Variants in PHLPP1 observed in about 807,000 individuals in gnomAD.
The protein encoded by PHLPP1 is PH domain and leucine rich repeat protein phosphatase 1.
Under a neutral mutation model 117.2 loss-of-function variants are expected in PHLPP1, and 42 were observed. The observed-to-expected ratio is 0.36, with a 90% confidence interval of 0.28 to 0.46. PHLPP1 has a LOEUF of 0.46. Ranked by LOEUF, PHLPP1 falls within the 20% of genes least tolerant of loss-of-function variation. PHLPP1 has a pLI of 1.00. For synonymous variants in PHLPP1, 1,042 were observed against 970.7 expected, an observed-to-expected ratio of 1.07 and a Z score of -1.37; for missense variants, 2,084 against 2,241.9, an observed-to-expected ratio of 0.93 and a Z score of 1.42.
chr18:62,970,420 A>G (rs528128), intron 14 of PHLPP1, among the ~76,000 whole-genome samples: 27,586 of 152,170 alleles, frequency 0.18, 2,686 homozygotes, highest in South Asian at 0.34. Flanking sequence ...TACCCATTAG[A>G]ATATTATTGA....
At chr18:62,763,395 A>G (rs1274341695) in intron 1 of PHLPP1, among the ~76,000 whole-genome samples, 1 of 152,160 alleles carries the variant, frequency 6.6e-6, no homozygotes, top group Non-Finnish European at 1.5e-5. Context: ...TGCTTTTCCT[A>G]TAGGTTGAGT....
At chr18:62,929,628 A>G (rs981837652) in intron 10 of PHLPP1, among the ~76,000 whole-genome samples, 1 of 152,138 alleles carries the variant, frequency 6.6e-6, no homozygotes. Flanking sequence ...GAAGACTAAT[A>G]TACAAAAAGT....
At chr18:62,819,701 A>G (rs904334941) in intron 1 of PHLPP1, among the ~76,000 whole-genome samples, 2 of 152,210 alleles carry the variant, frequency 1.3e-5, no homozygotes, top group African/African-American at 4.8e-5. Context: ...GCTGGAGTGC[A>G]ATGGTGCAAT....
intron 1 of PHLPP1, among the ~76,000 whole-genome samples, chr18:62,807,922 G>A (rs1913996653): frequency 6.6e-6 from 1 of 152,110 alleles, no homozygotes; most frequent in Non-Finnish European, 1.5e-5. Flanking sequence ...ACTGTAGACT[G>A]TATAAACACT....
chr18:62,915,828 AG>A (rs1447011067), intron 9 of PHLPP1, among the ~76,000 whole-genome samples: 4 of 152,182 alleles, frequency 2.6e-5, no homozygotes, highest in African/African-American at 9.7e-5. Context: ...AATGTGACTG[AG>A]GAACTGAATT....
chr18:62,817,191 G>T (rs183135540), intron 1 of PHLPP1, among the ~76,000 whole-genome samples: 20 of 152,290 alleles, frequency 1.3e-4, no homozygotes, highest in Admixed American at 3.3e-4. Context: ...CAATCCTCCT[G>T]CCTTGGCCTC....
chr18:62,800,038 A>T (rs1264579627), intron 1 of PHLPP1, among the ~76,000 whole-genome samples: 1 of 152,192 alleles, frequency 6.6e-6, no homozygotes, highest in Non-Finnish European at 1.5e-5. Flanking sequence ...GAAGAGATTT[A>T]TAGAACCTAG....
intron 12 of PHLPP1, among the ~76,000 whole-genome samples, chr18:62,948,670 G>T (rs1385723784): frequency 6.6e-6 from 1 of 150,758 alleles, no homozygotes; most frequent in Non-Finnish European, 1.5e-5. Context: ...TTTGTTGTTG[G>T]GATTTTTTTT....
chr18:62,870,344 A>G (rs1322005594), intron 4 of PHLPP1, among the ~76,000 whole-genome samples: 1 of 152,206 alleles, frequency 6.6e-6, no homozygotes, highest in African/African-American at 2.4e-5. Context: ...CATATATTTA[A>G]TACCAGGAAT....
At position 62,920,090 on chromosome 18, in the gene PHLPP1, C is replaced by T. The variant is rs1453226901; in HGVS notation, c.2936C>T (p.Pro979Leu). The T allele has an allele frequency of 2.5e-6, 4 of 1,613,676 alleles. No individual in the cohort carries two copies. Among genetic ancestry groups the T allele is most frequent in the Admixed American group, 1.7e-5 (1 of 59,952 alleles). ...VQHNQLLELP[P>L]NLLMKADSLR... The stretch of plus-strand genomic sequence containing the variant: ...CACAACCAGCTCCTTGAGCTCCCAC[C>T]TAACCTTCTGATGAAGGCTGACAGG... The change falls in exon 10 of 17, where the codon CCT (proline) becomes CTT (leucine). Residue 979 changes from proline to leucine, a missense_variant. Around this residue, in one of 2 missense-constraint regions of PHLPP1, gnomAD observed 1,365 missense variants for 1,605.9 expected, o/e 0.85. Coordinates refer to ENST00000262719, the MANE Select transcript of PHLPP1 (RefSeq NM_194449.4).
intron 9 of PHLPP1, among the ~76,000 whole-genome samples, chr18:62,915,990 A>G (rs1220217436): frequency 1.3e-5 from 2 of 152,198 alleles, no homozygotes; most frequent in African/African-American, 4.8e-5. Context: ...ATCAGTGAAA[A>G]TATTATAGAA....
At chr18:62,747,956 C>T (rs1298514292) in intron 1 of PHLPP1, among the ~76,000 whole-genome samples, 1 of 152,022 alleles carries the variant, frequency 6.6e-6, no homozygotes, top group Admixed American at 6.5e-5. Flanking sequence ...GATATTGATT[C>T]TTTGGTATTG....
intron 12 of PHLPP1, among the ~76,000 whole-genome samples, chr18:62,954,154 A>G (rs1910547972): frequency 6.6e-6 from 1 of 152,192 alleles, no homozygotes; most frequent in Non-Finnish European, 1.5e-5. Flanking sequence ...CTCTAAATCA[A>G]GAGTTCCTTC....
chr18:62,895,790 AT>A lies in PHLPP1; in HGVS notation c.2228del (p.Leu743CysfsTer17). 6.2e-7 allele frequency: 1 copy of A among 1,602,300 alleles called. No homozygotes were observed. Among genetic ancestry groups the A allele is most frequent in the Non-Finnish European group, 8.6e-7 (1 of 1,169,266 alleles). ...ATGTTTTCTCTAATAGCTTACAGAC[AT>A]TTTTGTTGGATGGAAACTTTCTCCA... ...AVGVMHNLQT[F>X]LLDGNFLQSL... On this transcript the variant is annotated frameshift_variant, in exon 6 of 17. Transcript: ENST00000262719. LOFTEE classifies it high-confidence loss of function.
At chr18:62,758,850 C>T (rs1463026092) in intron 1 of PHLPP1, among the ~76,000 whole-genome samples, 1 of 152,194 alleles carries the variant, frequency 6.6e-6, no homozygotes, top group South Asian at 2.1e-4. Context: ...ATGCAAATTA[C>T]CTTCTTTTCA....
At chr18:62,923,534 T>G (rs1322586996) in intron 10 of PHLPP1, among the ~76,000 whole-genome samples, 5 of 152,136 alleles carry the variant, frequency 3.3e-5, no homozygotes, top group African/African-American at 9.7e-5. Context: ...TGATTAGCTG[T>G]TTTTTTAAAC....
chr18:62,943,305 G>C (rs1910185200), intron 11 of PHLPP1, among the ~76,000 whole-genome samples: 1 of 152,182 alleles, frequency 6.6e-6, no homozygotes, highest in African/African-American at 2.4e-5. Flanking sequence ...TGACCTTGCT[G>C]TATCCCTCAG....
chr18:62,932,233 A>G (rs1019985326), intron 10 of PHLPP1, among the ~76,000 whole-genome samples: 1 of 152,238 alleles, frequency 6.6e-6, no homozygotes, highest in African/African-American at 2.4e-5. Flanking sequence ...AACTATTCCA[A>G]AAAGTTGAGG....
chr18:62,721,056 A>G (rs1910900575), intron 1 of PHLPP1, among the ~76,000 whole-genome samples: 1 of 152,164 alleles, frequency 6.6e-6, no homozygotes, highest in Admixed American at 6.5e-5. Context: ...AATTAAATTT[A>G]CACTTGAATT....
Sources: gnomAD v4.1 joint callset for allele counts (sites outside exome capture counted in the v4.1 genomes callset) on GRCh38, gnomAD v4.1.1 for gene constraint, gnomAD v4.1.1 regional missense constraint, MANE v1.5 for transcripts, NCBI Gene and HGNC (gene_info 2026-07-23, HGNC 2026-07-21) for gene names.